COMMD10: variants seen among roughly 807,000 people sequenced by gnomAD.
The protein encoded by COMMD10 is COMM domain-containing protein 10.
In COMMD10, 33 loss-of-function variants were observed where a neutral mutation model predicts 28.9. That is an observed-to-expected ratio of 1.14 (90% CI 0.87 to 1.53). COMMD10 has a LOEUF of 1.53. COMMD10 is among the 40% of genes most tolerant of loss of function. The pLI, the probability that COMMD10 is intolerant of heterozygous loss-of-function variation, is 0.00. For synonymous variants in COMMD10, 110 were observed against 81.7 expected (o/e 1.35, Z -1.87); for missense variants, 310 against 233.4 (o/e 1.33, Z -2.14).
At chr5:116,165,766 A>G (rs1370603353) in intron 5 of COMMD10, among the ~76,000 whole-genome samples, 2 of 151,900 alleles carry the variant, frequency 1.3e-5, no homozygotes, top group Non-Finnish European at 2.9e-5. Flanking sequence ...TTATAAAGGC[A>G]CTCATCCTAA....
chr5:116,150,082 C>G lies in COMMD10; in HGVS notation c.510+15904C>G, dbSNP rs1469049865. 3.3e-5 allele frequency among the ~76,000 whole-genome samples: 5 copies of G among 152,218 alleles called. No individual in the cohort carries two copies. The East Asian group carries it at 7.7e-4, about 23-fold the overall frequency. On this transcript the variant is annotated intron_variant, in intron 5 of 6. Coordinates refer to ENST00000274458, the MANE Select transcript of COMMD10 (RefSeq NM_016144.4). ...TTTCAGCTTTCTACATATGGCTAGCCAGTTTCCCCAGCACCATTTATTAAA... is the reference window on the plus strand; with the variant it reads ...TTTCAGCTTTCTACATATGGCTAGCGAGTTTCCCCAGCACCATTTATTAAA...
chr5:116,193,860 G>T (rs1040692055), intron 5 of COMMD10, among the ~76,000 whole-genome samples: 1 of 151,992 alleles, frequency 6.6e-6, no homozygotes, highest in Non-Finnish European at 1.5e-5. Context: ...CACAGAATAT[G>T]CATTCTATTC....
chr5:116,224,315 A>C (rs1749337831), intron 5 of COMMD10, among the ~76,000 whole-genome samples: 1 of 152,184 alleles, frequency 6.6e-6, no homozygotes, highest in African/African-American at 2.4e-5. Context: ...CTCTGTGTTT[A>C]CTTACTGTCT....
intron 4 of COMMD10, among the ~76,000 whole-genome samples, chr5:116,124,150 A>G (rs766104635): frequency 2.2e-4 from 33 of 152,024 alleles, no homozygotes; most frequent in Middle Eastern, 3.4e-3. Context: ...AGTTCCTTTA[A>G]ATGTGATGTT....
chr5:116,213,899 T>C (rs1462469582), intron 5 of COMMD10, among the ~76,000 whole-genome samples: 1 of 152,148 alleles, frequency 6.6e-6, no homozygotes, highest in Admixed American at 6.5e-5. Flanking sequence ...AAAGGAATTT[T>C]TTTGTATTTT....
At chr5:116,242,114 G>A (rs897513490) in intron 5 of COMMD10, among the ~76,000 whole-genome samples, 1 of 152,160 alleles carries the variant, frequency 6.6e-6, no homozygotes, top group Non-Finnish European at 1.5e-5. Context: ...AGCTATGAAG[G>A]TGAATGCCGA....
At chr5:116,124,933 A>C (rs946603778) in intron 4 of COMMD10, among the ~76,000 whole-genome samples, 1 of 151,858 alleles carries the variant, frequency 6.6e-6, no homozygotes, top group South Asian at 2.1e-4. Flanking sequence ...ATCTTCCTCT[A>C]TCCCTTTATT....
At chr5:116,105,184 A>G (rs1236249754) in intron 4 of COMMD10, among the ~76,000 whole-genome samples, 1 of 152,092 alleles carries the variant, frequency 6.6e-6, no homozygotes, top group Non-Finnish European at 1.5e-5. Flanking sequence ...GTTGAATTTT[A>G]TCAAAGGTCT....
chr5:116,138,351 C>G (rs1390482676), intron 5 of COMMD10, among the ~76,000 whole-genome samples: 3 of 151,762 alleles, frequency 2.0e-5, no homozygotes, highest in Non-Finnish European at 3.0e-5. Flanking sequence ...TTGAATGGCT[C>G]TATTAGGTTA....
At chr5:116,213,471 T>C (rs1346610223) in intron 5 of COMMD10, among the ~76,000 whole-genome samples, 4 of 152,168 alleles carry the variant, frequency 2.6e-5, no homozygotes, top group Non-Finnish European at 4.4e-5. Flanking sequence ...TTAACCTGTA[T>C]AGGGTCTGTG....
intron 5 of COMMD10, among the ~76,000 whole-genome samples, chr5:116,138,377 T>C (rs11742938): frequency 1.3e-5 from 2 of 151,608 alleles, no homozygotes; most frequent in African/African-American, 4.8e-5. Context: ...TAACTAGTTC[T>C]AGGCCCATTG....
intron 5 of COMMD10, among the ~76,000 whole-genome samples, chr5:116,147,272 C>T (rs1045975565): frequency 6.6e-6 from 1 of 151,820 alleles, no homozygotes; most frequent in Non-Finnish European, 1.5e-5. Context: ...TATACCGTAA[C>T]TAGGGTCATT....
In COMMD10 at chr5:116,262,455, C is replaced by A. The variant is rs540816879; in HGVS notation, c.511-29062C>A. Among the ~76,000 whole-genome samples, 7 of 151,758 alleles carry A rather than the reference C, an allele frequency of 4.6e-5. No homozygotes were observed. In the South Asian group the frequency reaches 1.2e-3, roughly 27 times the overall value. On this transcript the variant is annotated intron_variant, in intron 5 of 6. Transcript: ENST00000274458. ...TGTTTTTGTTTTATCCATCATTCTT[C>A]AGTTTCTTAATTACCAATACTATAC...
At chr5:116,219,435 C>G (rs141037911) in intron 5 of COMMD10, among the ~76,000 whole-genome samples, 2 of 152,042 alleles carry the variant, frequency 1.3e-5, no homozygotes, top group South Asian at 4.2e-4. Context: ...CCCGGGTTAT[C>G]TAGGTAGGCC....
intron 5 of COMMD10, among the ~76,000 whole-genome samples, chr5:116,183,887 G>T (rs980959581): frequency 1.3e-5 from 2 of 152,070 alleles, no homozygotes; most frequent in African/African-American, 4.8e-5. Context: ...AATGAGGTAG[G>T]ATGTTTTTGA....
intron 5 of COMMD10, among the ~76,000 whole-genome samples, chr5:116,248,504 G>A (rs1258552199): frequency 6.6e-6 from 1 of 151,974 alleles, no homozygotes; most frequent in South Asian, 2.1e-4. Context: ...TATGCCAGGT[G>A]TGCGAGACCC....
rs1428896117 is a variant in COMMD10, at chr5:116,201,266, G to A, written c.510+67088G>A. On this transcript the variant is annotated intron_variant, in intron 5 of 6. Transcript: ENST00000274458. ...TGATCCGGCATATTTTAAAAATGGC[G>A]TGTCCTTTCCTTTGCTGGAAGCATG... 4.6e-5 allele frequency among the ~76,000 whole-genome samples: 7 copies of A among 152,146 alleles called. No homozygotes were observed. The East Asian group carries it at 5.8e-4, about 13-fold the overall frequency.
At chr5:116,188,984 AAAC>A (rs371897519) in intron 5 of COMMD10, among the ~76,000 whole-genome samples, 5 of 152,312 alleles carry the variant, frequency 3.3e-5, no homozygotes, top group African/African-American at 1.2e-4. Context: ...ATCACTGTGA[AAAC>A]AACATTTGCC....
chr5:116,166,229 CA>C (rs1278812044), intron 5 of COMMD10, among the ~76,000 whole-genome samples: 1 of 129,692 alleles, frequency 7.7e-6, no homozygotes, highest in Non-Finnish European at 1.5e-5. Context: ...CCATAAGATG[CA>C]AAGATTGTTT....
Sources: gnomAD v4.1 joint callset for allele counts (sites outside exome capture counted in the v4.1 genomes callset) on GRCh38, gnomAD v4.1.1 for gene constraint, MANE v1.5 for transcripts, NCBI Gene and HGNC (gene_info 2026-07-23, HGNC 2026-07-21) for gene names.